The following CDK19 variants were observed in gnomAD, a reference collection of about 807,000 sequenced individuals.
CDK19 encodes the protein cyclin-dependent kinase 19.
CDK19 carries 20 observed loss-of-function variants against 68.3 expected under a neutral mutation model. The ratio of observed to expected loss-of-function variants is 0.29; its 90% confidence interval spans 0.21 to 0.43. The LOEUF (loss-of-function observed/expected upper bound fraction) is 0.43. Among genes scored for constraint, CDK19 ranks in the 20% least tolerant of loss-of-function variants. The pLI is 1.00. For missense variants in CDK19, 339 were observed against 623.5 expected, an observed-to-expected ratio of 0.54 and a Z score of 4.86; for synonymous variants, 221 against 222.8, an observed-to-expected ratio of 0.99 and a Z score of 0.07.
chr6:110,673,184 T>A (rs982774160), intron 2 of CDK19, among the ~76,000 whole-genome samples: 2 of 152,206 alleles, frequency 1.3e-5, no homozygotes, highest in Non-Finnish European at 2.9e-5. Flanking sequence ...CTCATATAAG[T>A]GGAACCATAC....
intron 2 of CDK19, among the ~76,000 whole-genome samples, chr6:110,684,847 C>T (rs1241102696): frequency 6.6e-6 from 1 of 152,114 alleles, no homozygotes; most frequent in Admixed American, 6.6e-5. Flanking sequence ...AGGCTGAAAA[C>T]CTTATCATCA....
Position 110,610,742 on chromosome 6 carries a change from A to G in CDK19, c.*3793T>C, listed in dbSNP as rs1000848662. On this transcript the variant is annotated 3_prime_UTR_variant, in exon 13 of 13. Coordinates refer to ENST00000368911, the MANE Select transcript of CDK19 (RefSeq NM_015076.5). ...ACTCCCTAGGAAGACATCATCATAG[A>G]GTTTTGGATTTGTAATTTCCATAGA... The G allele has an allele frequency of 6.6e-6, 1 of 152,162 alleles. No homozygotes were observed. The highest frequency in any genetic ancestry group is 1.5e-5 in the Non-Finnish European group (1 of 68,030). 9.4% of individuals were successfully genotyped at this position (152,162 alleles called of 1,614,324 possible).
Position 110,667,464 on chromosome 6 carries a change from G to A in CDK19, c.426C>T (p.Leu142=). The A allele has an allele frequency of 6.3e-7, 1 of 1,592,468 alleles. No individual in the cohort carries two copies. Among genetic ancestry groups the A allele is most frequent in the South Asian group, 1.2e-5 (1 of 86,452 alleles). Residue 142 remains leucine, a synonymous_variant, in exon 4 of 13, where the codon CTC becomes CTT. Transcript: ENST00000368911. ...CTCTGTGAAGCACCCAATTTGCATG[G>A]AGGTAATGGATACCATCAAGAATCT... ...LYQILDGIHY[L]HANWVLHRDL...
chr6:110,639,464 T>C (rs1288551003), intron 4 of CDK19, among the ~76,000 whole-genome samples: 4 of 152,158 alleles, frequency 2.6e-5, no homozygotes, highest in Non-Finnish European at 4.4e-5. Flanking sequence ...ATTTTTTGTA[T>C]CTTCTAAGGA....
intron 1 of CDK19, among the ~76,000 whole-genome samples, chr6:110,768,951 G>C (rs1384124833): frequency 6.6e-6 from 1 of 151,818 alleles, no homozygotes; most frequent in African/African-American, 2.4e-5. Flanking sequence ...TCAGGAGTTT[G>C]AGACCAGCCT....
At chr6:110,688,344 T>C (rs1406985059) in intron 2 of CDK19, among the ~76,000 whole-genome samples, 3 of 151,540 alleles carry the variant, frequency 2.0e-5, no homozygotes, top group Non-Finnish European at 4.4e-5. Flanking sequence ...AAACTATATA[T>C]ATATATATAA....
chr6:110,785,142 A>G (rs1339749074), intron 1 of CDK19, among the ~76,000 whole-genome samples: 1 of 151,992 alleles, frequency 6.6e-6, no homozygotes, highest in Admixed American at 6.5e-5. Context: ...AAATGCACTA[A>G]TTCATCAATC....
At chr6:110,690,430 T>C (rs181608731) in intron 2 of CDK19, among the ~76,000 whole-genome samples, 3 of 151,442 alleles carry the variant, frequency 2.0e-5, no homozygotes, top group South Asian at 4.2e-4. Flanking sequence ...AAGACCTCAG[T>C]GCATTCCACT....
chr6:110,730,921 G>A (rs1310451190), intron 2 of CDK19, among the ~76,000 whole-genome samples: 2 of 151,888 alleles, frequency 1.3e-5, no homozygotes, highest in East Asian at 1.9e-4. Context: ...GCATGGTGGC[G>A]CATGCCTGTA....
chr6:110,684,353 C>T lies in CDK19; in HGVS notation c.205-13812G>A, dbSNP rs908548781. Reference sequence around the variant, plus strand: ...ATAAGACCCTAGGCAGTCTTTCAGTCCCTTGGGATTTCGATAATCAACTAC... The same window carrying T: ...ATAAGACCCTAGGCAGTCTTTCAGTTCCTTGGGATTTCGATAATCAACTAC... On this transcript the variant is annotated intron_variant, in intron 2 of 12. Coordinates refer to ENST00000368911, the MANE Select transcript of CDK19 (RefSeq NM_015076.5). Among the ~76,000 whole-genome samples the T allele has an allele frequency of 2.7e-5, 4 of 145,816 alleles. No individual in the cohort carries two copies. The Admixed American group carries it at 2.9e-4, about 10-fold the overall frequency.
At chr6:110,778,677 CCCTTTCTT>C (rs1200704138) in intron 1 of CDK19, among the ~76,000 whole-genome samples, 1 of 152,188 alleles carries the variant, frequency 6.6e-6, no homozygotes, top group African/African-American at 2.4e-5. Context: ...CACCCATTCT[CCCTTTCTT>C]CCTTAGGAAC....
chr6:110,814,880 C>A lies in CDK19; in HGVS notation c.128+129G>T, dbSNP rs1783487498. The A allele has an allele frequency of 3.1e-6, 4 of 1,273,796 alleles. No individual in the cohort carries two copies. The Admixed American group carries it at 8.1e-5, about 26-fold the overall frequency. The allele number at this position is 1,273,796 out of a possible 1,614,324, so 78.9% of individuals were successfully genotyped here. A position where few individuals can be genotyped will look rare whatever the true frequency, so the allele number is the denominator to read the frequency against. ...GCGCCCCTCGGAGTCGGTGTCCGGA[C>A]GCAACCCCGCGACCCCCTCCGCCTC... On this transcript the variant is annotated intron_variant, in intron 1 of 12. Coordinates refer to ENST00000368911, the MANE Select transcript of CDK19 (RefSeq NM_015076.5).
intron 1 of CDK19, among the ~76,000 whole-genome samples, chr6:110,789,627 C>T (rs895720811): frequency 6.6e-6 from 1 of 152,058 alleles, no homozygotes; most frequent in African/African-American, 2.4e-5. Flanking sequence ...TCAGGCTGGT[C>T]TCAAACTCCT....
intron 2 of CDK19, among the ~76,000 whole-genome samples, chr6:110,708,576 T>C (rs572381154): frequency 1.3e-5 from 2 of 152,330 alleles, no homozygotes; most frequent in African/African-American, 2.4e-5. Flanking sequence ...GACCAACCTC[T>C]AAGCAAGTTT....
chr6:110,724,839 G>C (rs1582956678), intron 2 of CDK19, among the ~76,000 whole-genome samples: 1 of 151,828 alleles, frequency 6.6e-6, no homozygotes, highest in African/African-American at 2.4e-5. Flanking sequence ...TGCAATATCA[G>C]AAGTATTAAT....
At chr6:110,740,073 G>GA (rs1393373904) in intron 2 of CDK19, among the ~76,000 whole-genome samples, 1 of 151,324 alleles carries the variant, frequency 6.6e-6, no homozygotes, top group African/African-American at 2.4e-5. Flanking sequence ...CTTGTGGGGG[G>GA]AAAAATTCTC....
intron 2 of CDK19, among the ~76,000 whole-genome samples, chr6:110,733,886 T>C (rs918895625): frequency 3.3e-5 from 5 of 152,148 alleles, no homozygotes; most frequent in African/African-American, 1.2e-4. Flanking sequence ...GATTTTCCGG[T>C]ATAATGGATG....
chr6:110,799,079 G>A (rs1782162829), intron 1 of CDK19, among the ~76,000 whole-genome samples: 1 of 142,668 alleles, frequency 7.0e-6, no homozygotes, highest in Non-Finnish European at 1.5e-5. Flanking sequence ...GGAGGTTGAG[G>A]TTGCAGTGAG....
At chr6:110,792,794 C>T (rs918198136) in intron 1 of CDK19, among the ~76,000 whole-genome samples, 2 of 152,202 alleles carry the variant, frequency 1.3e-5, no homozygotes, top group South Asian at 2.1e-4. Context: ...AATTTTTACT[C>T]AATATCTACC....
Sources: gnomAD v4.1 joint callset for allele counts (sites outside exome capture counted in the v4.1 genomes callset) on GRCh38, gnomAD v4.1.1 for gene constraint, MANE v1.5 for transcripts, NCBI Gene and HGNC (gene_info 2026-07-23, HGNC 2026-07-21) for gene names.